The following EXOC6 variants were observed in gnomAD, a reference collection of about 807,000 sequenced individuals.
EXOC6 encodes the protein exocyst complex component 6.
In EXOC6, 60 loss-of-function variants were observed where a neutral mutation model predicts 112.5. The observed-to-expected ratio is 0.53, with a 90% CI of 0.43 to 0.66. The LOEUF is 0.66. Ranked by LOEUF, EXOC6 falls within the 30% of genes least tolerant of loss-of-function variation. EXOC6 has a pLI of 0.00. For synonymous variants in EXOC6, 295 were observed against 308.0 expected (o/e 0.96, Z 0.44); for missense variants, 855 against 957.1 (o/e 0.89, Z 1.41).
chr10:92,998,356 C>T (rs1843589531), intron 19 of EXOC6, among the ~76,000 whole-genome samples: 1 of 151,982 alleles, frequency 6.6e-6, no homozygotes, highest in East Asian at 1.9e-4. Context: ...TATCAGGCAC[C>T]ACAGTTGATA....
At chr10:92,833,119 AGTGAAGAATGCTG>A (rs1846545586), upstream of EXOC6, among the ~76,000 whole-genome samples, 1 of 152,170 alleles carries the variant, frequency 6.6e-6, no homozygotes, top group Non-Finnish European at 1.5e-5. Context: ...GTGGGGTTGA[AGTGAAGAATGCTG>A]CATTGGTTTG....
chr10:93,019,380 A>G (rs1366124108), intron 20 of EXOC6, among the ~76,000 whole-genome samples: 1 of 152,194 alleles, frequency 6.6e-6, no homozygotes, highest in East Asian at 1.9e-4. Context: ...GCTATTCATA[A>G]CTTACAGCAA....
At chr10:92,882,759 G>A (rs1589757954) in intron 1 of EXOC6, among the ~76,000 whole-genome samples, 1 of 152,284 alleles carries the variant, frequency 6.6e-6, no homozygotes, top group Non-Finnish European at 1.5e-5. Flanking sequence ...ACTGAAGAGA[G>A]TTGCGGTGTT....
chr10:92,994,341 G>A (rs1236466834), intron 18 of EXOC6, among the ~76,000 whole-genome samples: 1 of 152,150 alleles, frequency 6.6e-6, no homozygotes, highest in African/African-American at 2.4e-5. Context: ...TTTCGGTAAT[G>A]CAAAAAGGAT....
At chr10:92,859,268 A>G (rs937194982) in intron 1 of EXOC6, among the ~76,000 whole-genome samples, 1 of 152,066 alleles carries the variant, frequency 6.6e-6, no homozygotes, top group African/African-American at 2.4e-5. Flanking sequence ...TATTCTAATC[A>G]AGTGTATTTC....
intron 20 of EXOC6, among the ~76,000 whole-genome samples, chr10:93,037,956 C>G (rs910285568): frequency 1.4e-5 from 2 of 145,252 alleles, no homozygotes; most frequent in African/African-American, 2.5e-5. Flanking sequence ...AGGAGAATGG[C>G]GTGAACCCGG....
chr10:92,923,236 T>C (rs1017570657), intron 8 of EXOC6, among the ~76,000 whole-genome samples: 1 of 152,166 alleles, frequency 6.6e-6, no homozygotes, highest in African/African-American at 2.4e-5. Context: ...TTGGTTGGCT[T>C]CCTCTTGTTC....
At chr10:92,996,772 T>A (rs1306087617) in intron 18 of EXOC6, among the ~76,000 whole-genome samples, 1 of 152,222 alleles carries the variant, frequency 6.6e-6, no homozygotes, top group East Asian at 1.9e-4. Context: ...AAATATTTTT[T>A]AATGATGTAT....
At chr10:92,871,190 A>C (rs562627226) in intron 1 of EXOC6, among the ~76,000 whole-genome samples, 4 of 152,212 alleles carry the variant, frequency 2.6e-5, no homozygotes, top group African/African-American at 7.2e-5. Context: ...CATTTCTTCA[A>C]GTTTATCAAA....
At chr10:92,898,532 T>C (rs1315356688) in intron 4 of EXOC6, among the ~76,000 whole-genome samples, 1 of 152,102 alleles carries the variant, frequency 6.6e-6, no homozygotes, top group Non-Finnish European at 1.5e-5. Context: ...GGAAATAGCA[T>C]GAGGTAGATA....
chr10:92,994,845 C>G (rs1329896793), intron 18 of EXOC6, among the ~76,000 whole-genome samples: 1 of 151,640 alleles, frequency 6.6e-6, no homozygotes, highest in Non-Finnish European at 1.5e-5. Flanking sequence ...AATAAATTTT[C>G]AAATATATTT....
intron 19 of EXOC6, among the ~76,000 whole-genome samples, chr10:93,002,140 C>T (rs1169080883): frequency 6.6e-6 from 1 of 152,082 alleles, no homozygotes; most frequent in Non-Finnish European, 1.5e-5. Flanking sequence ...GTATTCCTCC[C>T]CCCCTTTTTT....
chr10:92,909,463 G>A lies in EXOC6; in HGVS notation c.495G>A (p.Glu165=), dbSNP rs1203061770. Residue 165 remains glutamate (E), a synonymous_variant, in exon 6 of 22, where the codon GAG becomes GAA. Coordinates refer to ENST00000260762, the MANE Select transcript of EXOC6 (RefSeq NM_019053.6). ...CCCTAAAAACTATGGAACAATTAGA[G>A]AATGTGTACTTTCCCTGGGTTAGTC... ...YSALKTMEQL[E]NVYFPWVSQY... 1 of 1,613,334 alleles carries A rather than the reference G, an allele frequency of 6.2e-7. No homozygotes were observed. The highest frequency in any genetic ancestry group is 8.5e-7 in the Non-Finnish European group (1 of 1,179,674).
At chr10:92,858,027 CCCT>C (rs1442114277) in intron 1 of EXOC6, among the ~76,000 whole-genome samples, 3 of 137,914 alleles carry the variant, frequency 2.2e-5, no homozygotes, top group Admixed American at 7.4e-5. Flanking sequence ...CGGGTTCCCC[CCCT>C]CCGCCGGCCA....
At chr10:93,005,558 G>A (rs927900899) in intron 19 of EXOC6, among the ~76,000 whole-genome samples, 2 of 152,156 alleles carry the variant, frequency 1.3e-5, no homozygotes, top group African/African-American at 4.8e-5. Context: ...TTACAAAGGT[G>A]TCACAGAAAT....
chr10:92,845,304 G>A (rs7913949), upstream of EXOC6, among the ~76,000 whole-genome samples: 68,653 of 151,934 alleles, frequency 0.45, 16,245 homozygotes, highest in African/African-American at 0.58. Context: ...TGTAATCCCA[G>A]CACTTCAGAA....
intron 19 of EXOC6, among the ~76,000 whole-genome samples, chr10:92,999,548 A>G (rs12413378): frequency 0.088 from 13,411 of 152,160 alleles, 651 homozygotes; most frequent in Admixed American, 0.16. Context: ...TCTTATCCAC[A>G]GTTTTGCTTT....
At chr10:92,942,030 A>G (rs1284770003) in intron 13 of EXOC6, among the ~76,000 whole-genome samples, 1 of 152,212 alleles carries the variant, frequency 6.6e-6, no homozygotes, top group Non-Finnish European at 1.5e-5. Context: ...TAGATGATTT[A>G]ATACCAGCTT....
intron 17 of EXOC6, among the ~76,000 whole-genome samples, chr10:92,961,863 T>C (rs1854022829): frequency 6.6e-6 from 1 of 152,008 alleles, no homozygotes; most frequent in African/African-American, 2.4e-5. Flanking sequence ...AACAACCACT[T>C]AAGGAGTGGC....
Sources: allele counts gnomAD v4.1 joint callset (sites outside exome capture counted in the v4.1 genomes callset), GRCh38; gene constraint gnomAD v4.1.1; transcripts MANE v1.5; gene names NCBI Gene and HGNC (gene_info 2026-07-23, HGNC 2026-07-21).